The following FBXW2 variants were observed in gnomAD, a reference collection of about 807,000 sequenced individuals.
FBXW2 encodes the protein F-box and WD repeat domain containing 2.
In FBXW2, 12 loss-of-function variants were observed where a neutral mutation model predicts 46.0. That is an observed-to-expected ratio of 0.26 (90% CI 0.17 to 0.42). FBXW2 has a LOEUF of 0.42. Ranked by LOEUF, FBXW2 falls within the 10% of genes least tolerant of loss-of-function variation. FBXW2 has a pLI of 1.00. For missense variants in FBXW2, 360 were observed against 537.0 expected (o/e 0.67, Z 3.26); for synonymous variants, 203 against 209.6 (o/e 0.97, Z 0.27).
Position 120,788,091 on chromosome 9 carries a change from G to C in FBXW2, c.168C>G (p.Phe56Leu). ...TGAGCTCCAGGGGAAGGAGTTTGAGGAAGTCCCGCTTGAGGAGAGTCTCTA... is the reference window on the plus strand; with the variant it reads ...TGAGCTCCAGGGGAAGGAGTTTGAGCAAGTCCCGCTTGAGGAGAGTCTCTA... Reference protein sequence around the residue: ...NNLETLLKRDFLKLLPLELSF... With the variant: ...NNLETLLKRDLLKLLPLELSF... Residue 56 changes from phenylalanine to leucine, a missense_variant, in exon 3 of 8, where the codon TTC (phenylalanine) becomes TTG (leucine). Phe to Leu is a conservative substitution (Grantham distance 22). Transcript: ENST00000608872. 1 of 1,614,180 alleles carries C rather than the reference G, an allele frequency of 6.2e-7. No homozygotes were observed. The highest frequency in any genetic ancestry group is 8.5e-7 in the Non-Finnish European group (1 of 1,180,042).
chr9:120,784,658 A>T (rs1450523071), intron 3 of FBXW2, among the ~76,000 whole-genome samples: 1 of 151,700 alleles, frequency 6.6e-6, no homozygotes, highest in Non-Finnish European at 1.5e-5. Flanking sequence ...AGTGCCTCAC[A>T]CCTGTAATCC....
At position 120,772,740 on chromosome 9, in the gene FBXW2, A is replaced by AG; in HGVS notation, c.906+13dup. The stretch of plus-strand genomic sequence containing the variant: ...TTTCTTTAATGAAGCAAATTAATGG[A>AG]GAAAAAAACTCACCTTAATCTCATA... On this transcript the variant is annotated intron_variant, in intron 6 of 7. Coordinates refer to ENST00000608872, the MANE Select transcript of FBXW2 (RefSeq NM_012164.4). 6.6e-7 allele frequency: 1 copy of AG among 1,522,570 alleles called. No individual in the cohort carries two copies. The highest frequency in any genetic ancestry group is 8.8e-7 in the Non-Finnish European group (1 of 1,134,066). 94.3% of individuals were successfully genotyped at this position (1,522,570 alleles called of 1,614,324 possible).
chr9:120,771,967 G>T (rs946547551), intron 6 of FBXW2, among the ~76,000 whole-genome samples: 1 of 149,122 alleles, frequency 6.7e-6, no homozygotes, highest in Non-Finnish European at 1.5e-5. Flanking sequence ...GCTGAAGCAC[G>T]AGCATCACTT....
intron 4 of FBXW2, among the ~76,000 whole-genome samples, chr9:120,777,708 AC>A (rs1489137963): frequency 2.0e-5 from 2 of 102,002 alleles, no homozygotes; most frequent in Admixed American, 1.0e-4. Context: ...AAGCCTCCCC[AC>A]CCCCGCCCCC....
At chr9:120,785,052 A>C (rs1164313282) in intron 3 of FBXW2, among the ~76,000 whole-genome samples, 2 of 150,414 alleles carry the variant, frequency 1.3e-5, no homozygotes, top group Admixed American at 6.6e-5. Flanking sequence ...TGTGTTGCCC[A>C]GGCTGGAGTG....
At chr9:120,776,310 C>A (rs1333547261) in intron 4 of FBXW2, 84 bp from the exon 5 acceptor site, 2 of 1,456,400 alleles carry the variant, frequency 1.4e-6, no homozygotes, top group African/African-American at 1.4e-5. Context: ...TTATTTTCCC[C>A]AATTATATAA....
In FBXW2 at chr9:120,764,746, C is replaced by T. The variant is rs760255144; in HGVS notation, c.1178G>A (p.Arg393Gln). 6.8e-6 allele frequency: 11 copies of T among 1,614,144 alleles called. No individual in the cohort carries two copies. Among genetic ancestry groups the T allele is most frequent in the South Asian group, 6.6e-5 (6 of 91,078 alleles). ...DNRYLYIMDL[R>Q]TESLISRWPL... Reference sequence around the variant, plus strand: ...CCAGCGACTAATCAGGCTCTCTGTCCGCAAGTCCATGATGTACAGGTAGCG... The same window carrying T: ...CCAGCGACTAATCAGGCTCTCTGTCTGCAAGTCCATGATGTACAGGTAGCG... The change falls in exon 8 of 8, where the codon CGG (arginine) becomes CAG (glutamine). Residue 393 changes from arginine (R) to glutamine (Q), a missense_variant. Coordinates refer to ENST00000608872, the MANE Select transcript of FBXW2 (RefSeq NM_012164.4).
In FBXW2 at chr9:120,771,034, T is replaced by C. The variant is rs111782251; in HGVS notation, c.1076+314A>G. On this transcript the variant is annotated intron_variant, in intron 7 of 7. Transcript: ENST00000608872. ...ATAGGACTTAAAATATTAGAACTTA[T>C]GGAGATCTGAAAGATCTTTTCATCC... 1.1e-4 allele frequency among the ~76,000 whole-genome samples: 16 copies of C among 152,336 alleles called. No homozygotes were observed. The East Asian group carries it at 1.5e-3, about 15-fold the overall frequency.
chr9:120,785,875 T>C (rs948037110), intron 3 of FBXW2, among the ~76,000 whole-genome samples: 20 of 151,556 alleles, frequency 1.3e-4, no homozygotes, highest in Admixed American at 1.1e-3. Flanking sequence ...CAAAAAAAAT[T>C]AGCCGGGTGT....
chr9:120,780,060 C>T (rs374566729), intron 3 of FBXW2, among the ~76,000 whole-genome samples: 2 of 150,922 alleles, frequency 1.3e-5, no homozygotes, highest in Non-Finnish European at 2.9e-5. Flanking sequence ...ATCGCTTGAG[C>T]TGGGGAGGCA....
intron 2 of FBXW2, among the ~76,000 whole-genome samples, chr9:120,788,666 CT>C (rs1211082781): frequency 6.6e-6 from 1 of 152,116 alleles, no homozygotes; most frequent in Admixed American, 6.5e-5. Flanking sequence ...AAACAATTTC[CT>C]TAATGAATTC....
Position 120,764,083 on chromosome 9 carries a change from T to C in FBXW2, c.*476A>G. On this transcript the variant is annotated 3_prime_UTR_variant, in exon 8 of 8. Transcript: ENST00000608872. Reference sequence around the variant, plus strand: ...TGGTATTTGGTGGAAGTTTTAACACTGGCTCTTATAAGAGCTAAACCCCGT... The same window carrying C: ...TGGTATTTGGTGGAAGTTTTAACACCGGCTCTTATAAGAGCTAAACCCCGT... 1 of 265,652 alleles carries C rather than the reference T, an allele frequency of 3.8e-6. No homozygotes were observed. The highest frequency in any genetic ancestry group is 7.0e-5 in the East Asian group (1 of 14,380). The allele number at this position is 265,652 out of a possible 1,614,324, so 16.5% of individuals were successfully genotyped here. A position where few individuals can be genotyped will look rare whatever the true frequency, so the allele number is the denominator to read the frequency against.
At chr9:120,776,653 A>C (rs535380701) in intron 4 of FBXW2, 1 of 154,992 alleles carries the variant, frequency 6.5e-6, no homozygotes, top group Admixed American at 6.4e-5. Context: ...AGACTCAAGA[A>C]AACCCAATGT....
At chr9:120,776,281 T>C in intron 4 of FBXW2, 55 bp from the exon 5 acceptor site, 1 of 1,573,246 alleles carries the variant, frequency 6.4e-7, no homozygotes, top group Non-Finnish European at 8.6e-7. Context: ...GGGTCTTTTA[T>C]AATAGAGTTC....
chr9:120,770,312 C>T (rs2044351990), intron 7 of FBXW2, among the ~76,000 whole-genome samples: 1 of 151,394 alleles, frequency 6.6e-6, no homozygotes, highest in Non-Finnish European at 1.5e-5. Flanking sequence ...GGAGGCGGAG[C>T]CTGCAGTGAG....
Position 120,787,902 on chromosome 9 carries a change from C to T in FBXW2, c.357G>A (p.Trp119Ter). ...IDDSVQDALH[W>*]KKVYLKAILR... Reference sequence around the variant, plus strand: ...AAATAGCCTTCAAATAAACCTTCTTCCAGTGCAAAGCGTCCTGAACAGAAT... The same window carrying T: ...AAATAGCCTTCAAATAAACCTTCTTTCAGTGCAAAGCGTCCTGAACAGAAT... Residue 119 changes from tryptophan (W) to a stop codon, truncating the protein, a stop_gained, in exon 3 of 8, where the codon TGG becomes TGA. Coordinates refer to ENST00000608872, the MANE Select transcript of FBXW2 (RefSeq NM_012164.4). LOFTEE classifies it high-confidence loss of function. The T allele has an allele frequency of 6.2e-7, 1 of 1,614,172 alleles. No individual in the cohort carries two copies.
intron 3 of FBXW2, among the ~76,000 whole-genome samples, chr9:120,780,230 C>T (rs1001426959): frequency 2.6e-5 from 4 of 151,298 alleles, no homozygotes; most frequent in South Asian, 2.1e-4. Flanking sequence ...TGATGGCGTA[C>T]GCCTGTAGTC....
chr9:120,767,173 A>G (rs554537369), intron 7 of FBXW2, among the ~76,000 whole-genome samples: 81 of 152,308 alleles, frequency 5.3e-4, no homozygotes, highest in African/African-American at 1.9e-3. Context: ...ATTCTCTCTC[A>G]TGGGCATGTG....
intron 2 of FBXW2, 72 bp from the exon 3 acceptor site, chr9:120,788,350 G>A (rs570163469): frequency 7.8e-6 from 11 of 1,410,162 alleles, no homozygotes; most frequent in African/African-American, 1.4e-5. Flanking sequence ...AACAAATGAA[G>A]TATTAAAAAT....
Sources: gnomAD v4.1 joint callset for allele counts (sites outside exome capture counted in the v4.1 genomes callset) on GRCh38, gnomAD v4.1.1 for gene constraint, MANE v1.5 for transcripts, NCBI Gene and HGNC (gene_info 2026-07-23, HGNC 2026-07-21) for gene names.